ESRRA: variants seen among roughly 807,000 people sequenced by gnomAD.
ESRRA encodes estrogen related receptor alpha, also known as steroid hormone receptor ERR1.
In ESRRA, 7 loss-of-function variants were observed where a neutral mutation model predicts 35.6. The ratio of observed to expected loss-of-function variants is 0.20; its 90% CI spans 0.11 to 0.37. The LOEUF (loss-of-function observed/expected upper bound fraction) is 0.37. ESRRA is among the 10% of genes least tolerant of loss of function. ESRRA has a pLI of 1.00. For missense variants in ESRRA, 378 were observed against 561.7 expected (o/e 0.67, Z 3.31); for synonymous variants, 223 against 246.9 (o/e 0.90, Z 0.91).
intron 2 of ESRRA, among the ~76,000 whole-genome samples, chr11:64,312,779 G>A (rs1234206664): frequency 1.3e-5 from 2 of 152,216 alleles, no homozygotes; most frequent in African/African-American, 4.8e-5. Flanking sequence ...CATTATCACA[G>A]GGTGGCCAGG....
rs370219459 is a variant in ESRRA at position 64,314,841 on chromosome 11, C to T, written c.672C>T (p.Ala224=). 61 of 1,612,426 alleles carry T rather than the reference C, an allele frequency of 3.8e-5. No individual in the cohort carries two copies. The highest frequency in any genetic ancestry group is 1.3e-4 in the African/African-American group (10 of 75,024). ...CAGGCCCTGATGGGCACCTCCCAGCCGTGGCTACCCTCTGTGACCTCTTTG... is the reference window on the plus strand; with the variant it reads ...CAGGCCCTGATGGGCACCTCCCAGCTGTGGCTACCCTCTGTGACCTCTTTG... ...DPAGPDGHLP[A]VATLCDLFDR... is the part of the protein sequence containing the mutation. The change falls in exon 5 of 7, where the codon GCC becomes GCT. Residue 224 remains alanine (A), a synonymous_variant. Transcript: ENST00000000442.
chr11:64,316,556 C>G lies in ESRRA; in HGVS notation c.*590C>G. The G allele has an allele frequency of 3.0e-6, 1 of 330,848 alleles. No homozygotes were observed. The highest frequency in any genetic ancestry group is 3.1e-5 in the South Asian group (1 of 32,624). 20.5% of individuals were successfully genotyped at this position (330,848 alleles called of 1,614,324 possible). On this transcript the variant is annotated 3_prime_UTR_variant, in exon 7 of 7. Transcript: ENST00000000442. The stretch of plus-strand genomic sequence containing the variant: ...GGTAGGAGAGCACTGCCTCTATGCC[C>G]TGCAGAGCAATAACACTATATTTAT...
rs1236176902 is a variant in ESRRA, at chr11:64,316,608, G to A, written c.*642G>A. On this transcript the variant is annotated 3_prime_UTR_variant, in exon 7 of 7. Coordinates refer to ENST00000000442, the MANE Select transcript of ESRRA (RefSeq NM_004451.5). ...TTTGGGTTTGGCCAGGGAGGCGCAG[G>A]GACATGGGGCAAGCCAGGGCCCAGA... 2.1e-6 allele frequency: 1 copy of A among 466,844 alleles called. No homozygotes were observed. Among genetic ancestry groups the A allele is most frequent in the African/African-American group, 2.0e-5 (1 of 50,728 alleles). The allele number at this position is 466,844 out of a possible 1,614,324, so 28.9% of individuals were successfully genotyped here.
Position 64,307,964 on chromosome 11 carries a change from C to T in ESRRA, c.325+460C>T, listed in dbSNP as rs2135249052. On this transcript the variant is annotated intron_variant, in intron 2 of 6. Coordinates refer to ENST00000000442, the MANE Select transcript of ESRRA (RefSeq NM_004451.5). ...CTAGAGTGCAGTGGCACAATCTCTG[C>T]TCACTGCAACCTTTGCCCCTGGGTT... Among the ~76,000 whole-genome samples the T allele has an allele frequency of 2.0e-5, 3 of 152,164 alleles. 1 individual carries two copies. In the South Asian group the frequency reaches 6.2e-4, roughly 32 times the overall value.
chr11:64,307,185 C>T lies in ESRRA; in HGVS notation c.6C>T (p.Ser2=). The T allele has an allele frequency of 6.3e-7, 1 of 1,581,072 alleles. No homozygotes were observed. The highest frequency in any genetic ancestry group is 8.6e-7 in the Non-Finnish European group (1 of 1,157,946). The change falls in exon 2 of 7, where the codon TCC becomes TCT. Residue 2 remains serine (S), a synonymous_variant. Transcript: ENST00000000442. The stretch of plus-strand genomic sequence containing the variant: ...CCGTGCAGGTGACCAGCGCCATGTC[C>T]AGCCAGGTGGTGGGCATTGAGCCTC... M[S]SQVVGIEPLY...
At chr11:64,311,821 T>C (rs1443760442) in intron 2 of ESRRA, among the ~76,000 whole-genome samples, 3 of 150,160 alleles carry the variant, frequency 2.0e-5, no homozygotes, top group African/African-American at 2.5e-5. Context: ...GCCTCCCGAG[T>C]AGCTGGGACT....
Position 64,314,033 on chromosome 11 carries a change from C to T in ESRRA, c.408C>T (p.Phe136=), listed in dbSNP as rs1591244487. 6.3e-7 allele frequency: 1 copy of T among 1,591,068 alleles called. No homozygotes were observed. The highest frequency in any genetic ancestry group is 8.6e-7 in the Non-Finnish European group (1 of 1,168,342). The change falls in exon 3 of 7, where the codon TTC becomes TTT. Residue 136 remains phenylalanine, a synonymous_variant. Coordinates refer to ENST00000000442, the MANE Select transcript of ESRRA (RefSeq NM_004451.5). ...RRRKACQACR[F]TKCLRVGMLK... ...GCAAGGCCTGCCAGGCCTGCCGCTT[C>T]ACCAAGTGCCTGCGGGTGGGCATGC...
At chr11:64,315,369 C>T in intron 6 of ESRRA, 99 bp downstream of exon 6, 1 of 1,356,244 alleles carries the variant, frequency 7.4e-7, no homozygotes, top group Non-Finnish European at 9.9e-7. Context: ...ATAACGAAAA[C>T]TGAGGCTTAG....
At chr11:64,310,823 T>A (rs2035126802) in intron 2 of ESRRA, among the ~76,000 whole-genome samples, 1 of 151,870 alleles carries the variant, frequency 6.6e-6, no homozygotes, top group African/African-American at 2.4e-5. Context: ...GCTGGGATTA[T>A]AGGTGTGAGC....
chr11:64,315,363 C>A, intron 6 of ESRRA, 93 bp downstream of exon 6: 1 of 1,386,960 alleles, frequency 7.2e-7, no homozygotes. Context: ...TTGCAGATAA[C>A]GAAAACTGAG....
At chr11:64,312,103 G>A (rs1187835602) in intron 2 of ESRRA, among the ~76,000 whole-genome samples, 1 of 135,894 alleles carries the variant, frequency 7.4e-6, no homozygotes, top group Non-Finnish European at 1.6e-5. Context: ...CTCAGCCTCC[G>A]GAGCAGCTGG....
At chr11:64,310,130 A>G (rs2035110939) in intron 2 of ESRRA, among the ~76,000 whole-genome samples, 1 of 152,090 alleles carries the variant, frequency 6.6e-6, no homozygotes, top group Non-Finnish European at 1.5e-5. Flanking sequence ...TTGGGTCAGT[A>G]TAGGTCCAGA....
intron 2 of ESRRA, 40 bp downstream of exon 2, chr11:64,307,544 C>T: frequency 7.0e-7 from 1 of 1,428,682 alleles, no homozygotes. Flanking sequence ...TGCCCTGCAC[C>T]CTCTGGGTAC....
chr11:64,314,907 C>T lies in ESRRA; in HGVS notation c.738C>T (p.Ile246=). The change falls in exon 5 of 7, where the codon ATC becomes ATT. Residue 246 remains isoleucine (I), a synonymous_variant. Coordinates refer to ENST00000000442, the MANE Select transcript of ESRRA (RefSeq NM_004451.5). The part of the protein sequence containing the change: ...IVVTISWAKS[I]PGFSSLSLSD... ...TCACCATCAGCTGGGCCAAGAGCATCCCAGGTAAAGGGCCCAGGTGACCCG... is the reference window on the plus strand; with the variant it reads ...TCACCATCAGCTGGGCCAAGAGCATTCCAGGTAAAGGGCCCAGGTGACCCG... 1 of 1,612,076 alleles carries T rather than the reference C, an allele frequency of 6.2e-7. No individual in the cohort carries two copies. The highest frequency in any genetic ancestry group is 8.5e-7 in the Non-Finnish European group (1 of 1,179,886).
Position 64,307,187 on chromosome 11 carries a change from G to A in ESRRA, c.8G>A (p.Ser3Asn), listed in dbSNP as rs1208983826. 1.3e-6 allele frequency: 2 copies of A among 1,582,888 alleles called. No individual in the cohort carries two copies. Among genetic ancestry groups the A allele is most frequent in the Non-Finnish European group, 1.7e-6 (2 of 1,159,076 alleles). MS[S>N]QVVGIEPLYI... The stretch of plus-strand genomic sequence containing the variant: ...GTGCAGGTGACCAGCGCCATGTCCA[G>A]CCAGGTGGTGGGCATTGAGCCTCTC... The change falls in exon 2 of 7, where the codon AGC (serine) becomes AAC (asparagine). Residue 3 changes from serine (S) to asparagine (N), a missense_variant. Coordinates refer to ENST00000000442, the MANE Select transcript of ESRRA (RefSeq NM_004451.5).
In ESRRA at chr11:64,316,207, C is replaced by T. The variant is rs373869986; in HGVS notation, c.*241C>T. Reference sequence around the variant, plus strand: ...GCTGCCCCTTGCAAGCCATAACGTGCCCCCAGAGTGTAGGGGGCCTTGCGG... The same window carrying T: ...GCTGCCCCTTGCAAGCCATAACGTGTCCCCAGAGTGTAGGGGGCCTTGCGG... On this transcript the variant is annotated 3_prime_UTR_variant, in exon 7 of 7. Transcript: ENST00000000442. 209 of 479,894 alleles carry T rather than the reference C, an allele frequency of 4.4e-4. No homozygotes were observed. The highest frequency in any genetic ancestry group is 2.6e-3 in the East Asian group (77 of 29,682). 29.7% of individuals were successfully genotyped at this position (479,894 alleles called of 1,614,324 possible). A position where few individuals can be genotyped will look rare whatever the true frequency, so the allele number is the denominator to read the frequency against.
rs1450315947 is a variant in ESRRA at position 64,306,378 on chromosome 11, G to A, written c.-13+642G>A. The A allele has an allele frequency of 2.0e-5, 3 of 152,368 alleles. No homozygotes were observed. In the East Asian group the frequency reaches 5.8e-4, roughly 29 times the overall value. The allele number at this position is 152,368 out of a possible 1,614,324, so 9.4% of individuals were successfully genotyped here. ...AAGAGTGGACCTGCAGGCTGGTCGC[G>A]AGGAGGTGGAGCGGCGCCCGCCGTG... On this transcript the variant is annotated intron_variant, in intron 1 of 6. Transcript: ENST00000000442.
chr11:64,309,206 A>C lies in ESRRA; in HGVS notation c.325+1702A>C, dbSNP rs2035093702. Among the ~76,000 whole-genome samples, 3 of 152,106 alleles carry C rather than the reference A, an allele frequency of 2.0e-5. No homozygotes were observed. In the South Asian group the frequency reaches 6.2e-4, roughly 32 times the overall value. On this transcript the variant is annotated intron_variant, in intron 2 of 6. Transcript: ENST00000000442. ...TCCCAGCACTTTGGGAGGCTGAGGC[A>C]GACGGATCACGAGGTCAGGAGTTCG...
chr11:64,309,465 G>T (rs1181117939), intron 2 of ESRRA, among the ~76,000 whole-genome samples: 1 of 149,958 alleles, frequency 6.7e-6, no homozygotes, highest in Admixed American at 6.7e-5. Context: ...TTACAGGCAT[G>T]TCTGCTCTTA....
Sources: allele counts gnomAD v4.1 joint callset (sites outside exome capture counted in the v4.1 genomes callset), GRCh38; gene constraint gnomAD v4.1.1; transcripts MANE v1.5; gene names NCBI Gene and HGNC (gene_info 2026-07-23, HGNC 2026-07-21).